Variants in WIPF1 observed in about 807,000 individuals in gnomAD.
WIPF1 encodes the protein WAS/WASL-interacting protein family member 1.
WIPF1 carries 13 observed loss-of-function variants against 35.4 expected under a neutral mutation model. The ratio of observed to expected loss-of-function variants is 0.37; its 90% CI spans 0.24 to 0.58. The LOEUF (loss-of-function observed/expected upper bound fraction) is 0.58, where lower values mean the gene tolerates loss of function less well. Among genes scored for constraint, WIPF1 ranks in the 20% least tolerant of loss-of-function variants. WIPF1 has a pLI of 0.74. For synonymous variants in WIPF1, 267 were observed against 266.3 expected, an observed-to-expected ratio of 1.00 and a Z score of -0.02; for missense variants, 591 against 667.0, an observed-to-expected ratio of 0.89 and a Z score of 1.25.
rs183494398 is a variant in WIPF1 at position 174,666,008 on chromosome 2, C to A, written c.-39+16766G>T. On this transcript the variant is annotated intron_variant, in intron 1 of 8. Transcript: ENST00000272746. ...TCTTAAAAATATTTTGGGCCAGGTG[C>A]AGTGGCTCATGCCTGTAATCCTAGC... Among the ~76,000 whole-genome samples, 54 of 152,334 alleles carry A rather than the reference C, an allele frequency of 3.5e-4. 1 individual carries two copies. The East Asian group carries it at 0.01, about 28-fold the overall frequency.
intron 1 of WIPF1, chr2:174,630,239 C>T (rs575488541): frequency 2.0e-4 from 30 of 152,246 alleles, no homozygotes; most frequent in Non-Finnish European, 3.2e-4. Context: ...TGGGCATGAA[C>T]GCAACTAGAA....
At chr2:174,647,164 G>A (rs921775423) in intron 1 of WIPF1, among the ~76,000 whole-genome samples, 1 of 152,022 alleles carries the variant, frequency 6.6e-6, no homozygotes, top group Non-Finnish European at 1.5e-5. Flanking sequence ...TTTAAACCAG[G>A]AGTTCAAGAC....
rs1304544024 is a variant in WIPF1 at position 174,595,125 on chromosome 2, T to A, written c.-39+2476A>T. Among the ~76,000 whole-genome samples the A allele has an allele frequency of 1.6e-3, 140 of 89,076 alleles. No homozygotes were observed. In the East Asian group the frequency reaches 0.017, roughly 11 times the overall value. 58.4% of individuals were successfully genotyped at this position (89,076 alleles called of 152,430 possible). On this transcript the variant is annotated intron_variant, in intron 1 of 7. Coordinates refer to ENST00000679041, the MANE Select transcript of WIPF1 (RefSeq NM_001375834.1). ...AAAAAAAAAAATATATATATATATATATATATATATATATAATTAACTGGG... is the reference window on the plus strand; with the variant it reads ...AAAAAAAAAAATATATATATATATAAATATATATATATATAATTAACTGGG...
intron 1 of WIPF1, among the ~76,000 whole-genome samples, chr2:174,614,438 T>C (rs1160455120): frequency 6.6e-6 from 1 of 152,158 alleles, no homozygotes; most frequent in Non-Finnish European, 1.5e-5. Flanking sequence ...TCTGGGAATG[T>C]TTTCAGAGGT....
chr2:174,576,383 G>GACA (rs1685065546), intron 3 of WIPF1, among the ~76,000 whole-genome samples: 5 of 151,932 alleles, frequency 3.3e-5, no homozygotes, highest in Admixed American at 3.3e-4. Context: ...CACTTTGTTA[G>GACA]CACTTCTTGT....
At chr2:174,677,658 C>T (rs540603638) in intron 1 of WIPF1, among the ~76,000 whole-genome samples, 36 of 152,290 alleles carry the variant, frequency 2.4e-4, no homozygotes, top group South Asian at 1.0e-3. Flanking sequence ...TTAATTTTAG[C>T]ACATTCTTCT....
intron 3 of WIPF1, among the ~76,000 whole-genome samples, chr2:174,578,269 T>C (rs928111129): frequency 6.6e-6 from 1 of 152,204 alleles, no homozygotes; most frequent in Non-Finnish European, 1.5e-5. Flanking sequence ...TGTACAGCTT[T>C]CTTTTTTTAT....
At chr2:174,636,340 A>AT (rs997767356) in intron 1 of WIPF1, among the ~76,000 whole-genome samples, 15 of 150,048 alleles carry the variant, frequency 1.0e-4, no homozygotes, top group East Asian at 1.9e-4. Context: ...TCTGTCCATG[A>AT]TTTTTTTTTT....
At chr2:174,570,103 G>GA (rs1684782383) in intron 5 of WIPF1, among the ~76,000 whole-genome samples, 2 of 152,186 alleles carry the variant, frequency 1.3e-5, no homozygotes, top group African/African-American at 4.8e-5. Context: ...TCTGCAACAG[G>GA]AAAAATCTAG....
chr2:174,607,794 G>A (rs1388594537), intron 1 of WIPF1, among the ~76,000 whole-genome samples: 1 of 152,210 alleles, frequency 6.6e-6, no homozygotes, highest in Non-Finnish European at 1.5e-5. Flanking sequence ...CTCCACGAGG[G>A]CAGAGTTTGT....
At chr2:174,565,945 G>A (rs935053826) in intron 7 of WIPF1, among the ~76,000 whole-genome samples, 2 of 151,892 alleles carry the variant, frequency 1.3e-5, no homozygotes, top group Admixed American at 6.6e-5. Context: ...GTGCAATGGC[G>A]CAATCTCAGC....
chr2:174,630,315 G>A (rs1348467275), intron 1 of WIPF1: 1 of 152,226 alleles, frequency 6.6e-6, no homozygotes, highest in Non-Finnish European at 1.5e-5. Context: ...TAGTTAGACA[G>A]TCTCAAAGCA....
At chr2:174,655,517 A>G (rs1687621771) in intron 1 of WIPF1, 1 of 152,132 alleles carries the variant, frequency 6.6e-6, no homozygotes, top group African/African-American at 2.4e-5. Flanking sequence ...CTCCTCTCCC[A>G]ACAGCTCTAC....
At chr2:174,682,719 C>T (rs1292631201) in intron 1 of WIPF1, 1 of 151,682 alleles carries the variant, frequency 6.6e-6, no homozygotes, top group African/African-American at 2.4e-5. Flanking sequence ...CGGCGTCTCC[C>T]CCGGCCCCCG....
chr2:174,673,781 G>A (rs980379872), intron 1 of WIPF1: 1 of 150,626 alleles, frequency 6.6e-6, no homozygotes, highest in Non-Finnish European at 1.5e-5. Flanking sequence ...TTTAAAACAG[G>A]ACTTCCTTTT....
chr2:174,655,854 A>G (rs559045886), intron 1 of WIPF1: 40 of 152,358 alleles, frequency 2.6e-4, no homozygotes, highest in African/African-American at 9.1e-4. Flanking sequence ...GTTCACTACT[A>G]TATGCTCAGT....
At chr2:174,680,298 C>T (rs2105999520) in intron 1 of WIPF1, among the ~76,000 whole-genome samples, 2 of 152,352 alleles carry the variant, frequency 1.3e-5, no homozygotes, top group South Asian at 4.1e-4. Flanking sequence ...TTGATTCCAA[C>T]TGTGACCTGA....
chr2:174,588,798 G>A (rs987379852), intron 1 of WIPF1, among the ~76,000 whole-genome samples: 1 of 152,232 alleles, frequency 6.6e-6, no homozygotes, highest in African/African-American at 2.4e-5. Context: ...GGCCACTTCA[G>A]ATGGACAGTG....
At chr2:174,618,186 G>C (rs1222378003) in intron 1 of WIPF1, among the ~76,000 whole-genome samples, 1 of 152,196 alleles carries the variant, frequency 6.6e-6, no homozygotes, top group Non-Finnish European at 1.5e-5. Context: ...ATCAACTAGA[G>C]CTGGGCTCAC....
Sources: gnomAD v4.1 joint callset for allele counts (sites outside exome capture counted in the v4.1 genomes callset) on GRCh38, gnomAD v4.1.1 for gene constraint, MANE v1.5 for transcripts, NCBI Gene and HGNC (gene_info 2026-07-23, HGNC 2026-07-21) for gene names.